The following HIRA variants were observed in gnomAD, a reference collection of about 807,000 sequenced individuals.
HIRA encodes the protein protein HIRA.
HIRA carries 13 observed loss-of-function variants against 126.6 expected under a neutral mutation model. That is an observed-to-expected ratio of 0.10 (90% CI 0.07 to 0.16). The LOEUF (loss-of-function observed/expected upper bound fraction) is 0.16. Among genes scored for constraint, HIRA ranks in the 10% least tolerant of loss-of-function variants. The probability of loss-of-function intolerance (pLI) is 1.00; values close to 1 mark genes in which losing one functional copy is unlikely to be tolerated. For synonymous variants in HIRA, 511 were observed against 520.0 expected (o/e 0.98, Z 0.24); for missense variants, 834 against 1,314.4 (o/e 0.63, Z 5.65).
At chr22:19,341,448 C>CAA (rs55996019) in intron 24 of HIRA, among the ~76,000 whole-genome samples, 26 of 107,848 alleles carry the variant, frequency 2.4e-4, no homozygotes, top group African/African-American at 7.0e-4. Context: ...GACCCTGTTT[C>CAA]AAAAAAAAAA....
chr22:19,394,528 C>A lies in HIRA; in HGVS notation c.655-19G>T. ...CTCCACACTGAAAGAAGCATCTGCACTTGAAAGGAGCTCAAGGCCACCTTT... is the reference window on the plus strand; with the variant it reads ...CTCCACACTGAAAGAAGCATCTGCAATTGAAAGGAGCTCAAGGCCACCTTT... On this transcript the variant is annotated intron_variant, in intron 7 of 24. Transcript: ENST00000263208. The A allele has an allele frequency of 6.2e-7, 1 of 1,610,346 alleles. No individual in the cohort carries two copies. Among genetic ancestry groups the A allele is most frequent in the Non-Finnish European group, 8.5e-7 (1 of 1,177,282 alleles).
At chr22:19,406,276 G>A (rs2089307269) in intron 4 of HIRA, among the ~76,000 whole-genome samples, 1 of 152,224 alleles carries the variant, frequency 6.6e-6, no homozygotes, top group South Asian at 2.1e-4. Context: ...GTGGTGTGAT[G>A]AGGGATATTT....
intron 1 of HIRA, 98 bp downstream of exon 1, chr22:19,431,342 C>T: frequency 7.3e-7 from 1 of 1,376,680 alleles, no homozygotes. Flanking sequence ...TACCGGGCGT[C>T]AGGGGCGAGA....
Position 19,331,263 on chromosome 22 carries a change from ACC to A in HIRA, c.*175_*176del, listed in dbSNP as rs1358225879. The A allele has an allele frequency of 1.3e-6, 2 of 1,533,902 alleles. No homozygotes were observed. Among genetic ancestry groups the A allele is most frequent in the African/African-American group, 2.7e-5 (2 of 73,420 alleles). On this transcript the variant is annotated 3_prime_UTR_variant, in exon 25 of 25. Transcript: ENST00000263208. ...CTTCCCCCTCCTGAGGCAATGTCAG[ACC>A]CAGGACACAGGGCACATCTGCCCAG...
intron 24 of HIRA, among the ~76,000 whole-genome samples, chr22:19,345,531 G>T (rs112510992): frequency 0.034 from 5,192 of 151,302 alleles, 100 homozygotes; most frequent in African/African-American, 0.04. Context: ...CCCAGGACTG[G>T]TTTTTTTTTA....
chr22:19,395,287 C>G (rs2089213687), intron 7 of HIRA, among the ~76,000 whole-genome samples: 1 of 152,150 alleles, frequency 6.6e-6, no homozygotes, highest in Non-Finnish European at 1.5e-5. Flanking sequence ...AAACCAGAGC[C>G]TGAGTATAGT....
chr22:19,383,502 G>T, intron 13 of HIRA, 118 bp downstream of exon 13: 1 of 803,796 alleles, frequency 1.2e-6, no homozygotes, highest in Non-Finnish European at 2.1e-6. Flanking sequence ...TTGCTTCCAT[G>T]TTCTACCAGT....
intron 24 of HIRA, among the ~76,000 whole-genome samples, chr22:19,347,799 T>G (rs1242318310): frequency 2.6e-5 from 4 of 152,004 alleles, no homozygotes; most frequent in African/African-American, 9.7e-5. Flanking sequence ...ATTAGCTGGG[T>G]GTAGTGGTGT....
chr22:19,353,307 G>C, intron 23 of HIRA, 49 bp downstream of exon 23: 1 of 1,605,026 alleles, frequency 6.2e-7, no homozygotes, highest in Non-Finnish European at 8.5e-7. Context: ...GGCCTGGGAG[G>C]ATGGAGGGGC....
intron 19 of HIRA, among the ~76,000 whole-genome samples, chr22:19,356,688 C>A (rs2088815481): frequency 1.3e-5 from 2 of 152,218 alleles, no homozygotes; most frequent in South Asian, 4.1e-4. Context: ...AAGCTGCCTC[C>A]ATCCCCCTTG....
At chr22:19,378,930 G>T (rs1026845074) in intron 13 of HIRA, among the ~76,000 whole-genome samples, 2 of 152,152 alleles carry the variant, frequency 1.3e-5, no homozygotes, top group Admixed American at 6.5e-5. Flanking sequence ...TCTCCACATA[G>T]GTGCTTAGTA....
chr22:19,417,601 A>T (rs2089409571), intron 1 of HIRA, among the ~76,000 whole-genome samples: 1 of 152,212 alleles, frequency 6.6e-6, no homozygotes, highest in Admixed American at 6.5e-5. Context: ...CAGCCTGGAG[A>T]CACAGTGAGA....
intron 5 of HIRA, among the ~76,000 whole-genome samples, chr22:19,401,066 T>C (rs1357883687): frequency 6.6e-6 from 1 of 152,006 alleles, no homozygotes; most frequent in Non-Finnish European, 1.5e-5. Context: ...TTTCTTCTCC[T>C]CCATCTTCCT....
chr22:19,427,311 A>C (rs1216322241), intron 1 of HIRA, among the ~76,000 whole-genome samples: 2 of 152,196 alleles, frequency 1.3e-5, no homozygotes, highest in Admixed American at 1.3e-4. Context: ...AACCACTGCA[A>C]TCATATAACC....
At chr22:19,385,817 C>T (rs1215171979) in intron 11 of HIRA, 81 bp from the exon 12 acceptor site, 1 of 1,341,128 alleles carries the variant, frequency 7.5e-7, no homozygotes, top group Non-Finnish European at 1.0e-6. Flanking sequence ...CAAACTACAG[C>T]AGGGCTCTCC....
intron 17 of HIRA, 47 bp from the exon 18 acceptor site, chr22:19,359,531 C>T (rs1247678926): frequency 1.3e-6 from 2 of 1,499,252 alleles, no homozygotes; most frequent in African/African-American, 2.8e-5. Context: ...GGCCGCAGCC[C>T]AGGTGACATG....
intron 11 of HIRA, among the ~76,000 whole-genome samples, 197 bp downstream of exon 11, chr22:19,387,514 T>C (rs1161970145): frequency 6.6e-6 from 1 of 152,234 alleles, no homozygotes; most frequent in Admixed American, 6.5e-5. Flanking sequence ...GACTTATTTC[T>C]GAAATGGGGA....
At position 19,431,606 on chromosome 22, in the gene HIRA, G is replaced by C. The variant is rs2089540562; in HGVS notation, c.-130C>G. The C allele has an allele frequency of 2.3e-6, 2 of 860,704 alleles. No individual in the cohort carries two copies. Among genetic ancestry groups the C allele is most frequent in the South Asian group, 5.1e-5 (1 of 19,668 alleles). The allele number at this position is 860,704 out of a possible 1,614,324, so 53.3% of individuals were successfully genotyped here. A position where few individuals can be genotyped will look rare whatever the true frequency, so the allele number is the denominator to read the frequency against. ...GGCCGCCGCCCGCCCCGCGCCCTCA[G>C]GGCCGCCGCGCCATCGCCGGCCCGC... On this transcript the variant is annotated 5_prime_UTR_variant, in exon 1 of 25. Transcript: ENST00000263208.
rs1450208756 is a variant in HIRA, at chr22:19,361,194, C to G, written c.2085+43G>C. Reference sequence around the variant, plus strand: ...GTATGCAGTAGGGGACAGAGAATGTCTGGGTGTGCCTGAGGGAGAACTGGC... The same window carrying G: ...GTATGCAGTAGGGGACAGAGAATGTGTGGGTGTGCCTGAGGGAGAACTGGC... On this transcript the variant is annotated intron_variant, in intron 17 of 24. Transcript: ENST00000263208. 2.8e-6 allele frequency: 4 copies of G among 1,411,426 alleles called. No individual in the cohort carries two copies. In the African/African-American group the frequency reaches 5.7e-5, roughly 20 times the overall value. 87.4% of individuals were successfully genotyped at this position (1,411,426 alleles called of 1,614,324 possible).
Sources: allele counts gnomAD v4.1 joint callset (sites outside exome capture counted in the v4.1 genomes callset), GRCh38; gene constraint gnomAD v4.1.1; transcripts MANE v1.5; gene names NCBI Gene and HGNC (gene_info 2026-07-23, HGNC 2026-07-21).